ANKS1B: variants seen among roughly 807,000 people sequenced by gnomAD.
ANKS1B encodes ankyrin repeat and sterile alpha motif domain containing 1B.
ANKS1B carries 36 observed loss-of-function variants against 148.3 expected under a neutral mutation model. The ratio of observed to expected loss-of-function variants is 0.24; its 90% CI spans 0.19 to 0.32. The LOEUF (loss-of-function observed/expected upper bound fraction) is 0.32, where lower values mean the gene tolerates loss of function less well. Among genes scored for constraint, ANKS1B ranks in the 10% least tolerant of loss-of-function variants. ANKS1B has a pLI of 1.00. For synonymous variants in ANKS1B, 542 were observed against 560.8 expected, an observed-to-expected ratio of 0.97 and a Z score of 0.47; for missense variants, 1,157 against 1,542.6, an observed-to-expected ratio of 0.75 and a Z score of 4.19.
At chr12:98,921,422 T>C (rs866842814) in intron 17 of ANKS1B, among the ~76,000 whole-genome samples, 3 of 152,308 alleles carry the variant, frequency 2.0e-5, no homozygotes, top group Middle Eastern at 3.4e-3. Flanking sequence ...TTCCATGATT[T>C]TTCTCTTTAC....
chr12:98,821,380 G>A lies in ANKS1B; in HGVS notation c.3066+7794C>T, dbSNP rs578070108. Among the ~76,000 whole-genome samples, 31 of 152,250 alleles carry A rather than the reference G, an allele frequency of 2.0e-4. No homozygotes were observed. The East Asian group carries it at 4.1e-3, about 20-fold the overall frequency. On this transcript the variant is annotated intron_variant, in intron 19 of 26. Coordinates refer to ENST00000683438, the MANE Select transcript of ANKS1B (RefSeq NM_001352186.2). Reference sequence around the variant, plus strand: ...AACCAGCCCCTCTTCTAGCAGCAGCGGCCTGGCTGTTCATGGGAGGAGGTG... The same window carrying A: ...AACCAGCCCCTCTTCTAGCAGCAGCAGCCTGGCTGTTCATGGGAGGAGGTG...
intron 9 of ANKS1B, among the ~76,000 whole-genome samples, chr12:98,736,617 G>A (rs2097774559): frequency 6.6e-6 from 1 of 152,176 alleles, no homozygotes. Context: ...TTTAAAATCA[G>A]AGGAGTAGAT....
intron 4 of ANKS1B, among the ~76,000 whole-genome samples, chr12:99,798,269 T>C (rs539557322): frequency 6.6e-6 from 1 of 151,814 alleles, no homozygotes; most frequent in Admixed American, 6.6e-5. Context: ...AGCATAAAAC[T>C]GTGAGAAGCA....
chr12:98,971,800 T>A (rs1187175593), intron 17 of ANKS1B, among the ~76,000 whole-genome samples: 1 of 152,184 alleles, frequency 6.6e-6, no homozygotes, highest in Non-Finnish European at 1.5e-5. Context: ...GAGATCCAGC[T>A]GTTGTCCATT....
At chr12:98,757,727 T>G (rs1335050569) in intron 25 of ANKS1B, among the ~76,000 whole-genome samples, 1 of 152,262 alleles carries the variant, frequency 6.6e-6, no homozygotes, top group Non-Finnish European at 1.5e-5. Context: ...TAGTTTTACT[T>G]TTATTACCTC....
At chr12:99,866,480 A>T (rs1170500505) in intron 1 of ANKS1B, among the ~76,000 whole-genome samples, 1 of 152,076 alleles carries the variant, frequency 6.6e-6, no homozygotes, top group Non-Finnish European at 1.5e-5. Context: ...TTTTCTTCAT[A>T]ATTGGGCCAA....
intron 17 of ANKS1B, among the ~76,000 whole-genome samples, chr12:98,856,675 A>G (rs1047781958): frequency 2.0e-5 from 3 of 152,172 alleles, no homozygotes; most frequent in African/African-American, 4.8e-5. Flanking sequence ...TTAGGGTGGC[A>G]TAAGATGAGG....
chr12:99,836,014 T>C (rs961641386), intron 1 of ANKS1B, among the ~76,000 whole-genome samples: 4 of 152,324 alleles, frequency 2.6e-5, no homozygotes, highest in South Asian at 2.1e-4. Context: ...TATGAGTTTA[T>C]TGAATGAATA....
At chr12:99,584,609 T>G (rs1447262711) in intron 9 of ANKS1B, among the ~76,000 whole-genome samples, 3 of 151,892 alleles carry the variant, frequency 2.0e-5, no homozygotes, top group Admixed American at 2.0e-4. Context: ...GAGAGAAATA[T>G]ATATATATAT....
At chr12:99,552,820 T>A (rs2153172257) in intron 9 of ANKS1B, among the ~76,000 whole-genome samples, 1 of 152,214 alleles carries the variant, frequency 6.6e-6, no homozygotes, top group East Asian at 1.9e-4. Context: ...ATACTTTAAA[T>A]CATCTCTAGA....
intron 12 of ANKS1B, among the ~76,000 whole-genome samples, chr12:99,308,095 G>A (rs2082604752): frequency 6.6e-6 from 1 of 151,942 alleles, no homozygotes; most frequent in South Asian, 2.1e-4. Context: ...AACTATATCT[G>A]GACCTGGAGG....
chr12:99,934,960 G>T (rs1206754187), intron 1 of ANKS1B, among the ~76,000 whole-genome samples: 1 of 152,082 alleles, frequency 6.6e-6, no homozygotes. Context: ...CTGGTGATCT[G>T]GGATAAGAGC....
At chr12:99,923,310 G>A (rs2094408310) in intron 1 of ANKS1B, among the ~76,000 whole-genome samples, 1 of 152,190 alleles carries the variant, frequency 6.6e-6, no homozygotes, top group Non-Finnish European at 1.5e-5. Context: ...AGGAGTAAGA[G>A]CATTCTAGGA....
At chr12:98,950,800 C>T (rs1231843368) in intron 17 of ANKS1B, among the ~76,000 whole-genome samples, 11 of 152,094 alleles carry the variant, frequency 7.2e-5, no homozygotes. Flanking sequence ...GGGTGTTGCT[C>T]TCTTGCCCAA....
chr12:99,478,833 C>T (rs937917015), intron 10 of ANKS1B, among the ~76,000 whole-genome samples: 3 of 151,920 alleles, frequency 2.0e-5, no homozygotes, highest in Non-Finnish European at 4.4e-5. Context: ...GAGGAAAGAC[C>T]GAATTACCCT....
intron 12 of ANKS1B, among the ~76,000 whole-genome samples, chr12:99,259,818 T>C (rs1232002135): frequency 6.6e-6 from 1 of 152,186 alleles, no homozygotes; most frequent in Non-Finnish European, 1.5e-5. Context: ...TTGTTTCCCA[T>C]GTATAAGCCA....
At chr12:99,889,514 A>T (rs1017936828) in intron 1 of ANKS1B, among the ~76,000 whole-genome samples, 1 of 152,206 alleles carries the variant, frequency 6.6e-6, no homozygotes, top group African/African-American at 2.4e-5. Flanking sequence ...TCAATCACCC[A>T]TCATTTTTCT....
Position 99,096,762 on chromosome 12 carries a change from C to T in ANKS1B, c.2527-11739G>A, listed in dbSNP as rs543215019. Among the ~76,000 whole-genome samples the T allele has an allele frequency of 1.5e-3, 231 of 152,244 alleles. 1 individual carries two copies. The highest frequency in any genetic ancestry group is 2.3e-3 in the Non-Finnish European group (159 of 68,004). Reference sequence around the variant, plus strand: ...CTGAAAGAAATACAGGGGAAAGAAACGGAGGGACATGCATTCTCACAGTGA... The same window carrying T: ...CTGAAAGAAATACAGGGGAAAGAAATGGAGGGACATGCATTCTCACAGTGA... On this transcript the variant is annotated intron_variant, in intron 15 of 26. Coordinates refer to ENST00000683438, the MANE Select transcript of ANKS1B (RefSeq NM_001352186.2).
chr12:99,395,373 C>A (rs2094210736), intron 12 of ANKS1B, among the ~76,000 whole-genome samples: 1 of 152,096 alleles, frequency 6.6e-6, no homozygotes, highest in Non-Finnish European at 1.5e-5. Flanking sequence ...TATCCCTCAC[C>A]CTCTCTTCTT....
Sources: allele counts gnomAD v4.1 joint callset (sites outside exome capture counted in the v4.1 genomes callset), GRCh38; gene constraint gnomAD v4.1.1; transcripts MANE v1.5; gene names NCBI Gene and HGNC (gene_info 2026-07-23, HGNC 2026-07-21).